The following RNF17 variants were observed in gnomAD, a reference collection of about 807,000 sequenced individuals.
RNF17 encodes the protein spermatogenesis associated 23.
In RNF17, 31 loss-of-function variants were observed where a neutral mutation model predicts 200.5. That is an observed-to-expected ratio of 0.15 (90% CI 0.12 to 0.21). The LOEUF (loss-of-function observed/expected upper bound fraction) is 0.21, where lower values mean the gene tolerates loss of function less well. Ranked by LOEUF, RNF17 falls within the 10% of genes least tolerant of loss-of-function variation. The pLI is 1.00. For synonymous variants in RNF17, 606 were observed against 637.8 expected (o/e 0.95, Z 0.75); for missense variants, 1,628 against 1,905.1 (o/e 0.85, Z 2.71).
At chr13:24,765,808 AAGTG>A (rs1879598786) in intron 1 of RNF17, among the ~76,000 whole-genome samples, 2 of 152,214 alleles carry the variant, frequency 1.3e-5, no homozygotes, top group South Asian at 4.1e-4. Flanking sequence ...TATAATAGTT[AAGTG>A]TTTTTATTTC....
In RNF17 at chr13:24,861,240, A is replaced by T. The variant is rs183280618; in HGVS notation, c.3775-28A>T. On this transcript the variant is annotated intron_variant, in intron 26 of 35. Transcript: ENST00000255324. Reference sequence around the variant, plus strand: ...CCCTAGCTTTTAATAATAAATTTTAACTATAAATTGTATTTGTCGTGTTTC... The same window carrying T: ...CCCTAGCTTTTAATAATAAATTTTATCTATAAATTGTATTTGTCGTGTTTC... 2.9e-4 allele frequency: 437 copies of T among 1,532,652 alleles called. 5 individuals are homozygous for T. The East Asian group carries it at 9.3e-3, about 33-fold the overall frequency. 94.9% of individuals were successfully genotyped at this position (1,532,652 alleles called of 1,614,324 possible). A position where few individuals can be genotyped will look rare whatever the true frequency, so the allele number is the denominator to read the frequency against.
chr13:24,784,577 T>G (rs982120705), intron 6 of RNF17, among the ~76,000 whole-genome samples: 8 of 152,212 alleles, frequency 5.3e-5, no homozygotes, highest in Non-Finnish European at 7.3e-5. Flanking sequence ...AGGTTATGTG[T>G]TCCTGGAAAT....
upstream of RNF17, among the ~76,000 whole-genome samples, chr13:24,762,823 G>A (rs1264252335): frequency 2.6e-5 from 4 of 152,048 alleles, no homozygotes; most frequent in Admixed American, 6.6e-5. Context: ...CTCACAAAAC[G>A]TCTCATGCAC....
intron 33 of RNF17, 47 bp downstream of exon 33, chr13:24,874,296 A>G: frequency 1.4e-6 from 2 of 1,475,706 alleles, no homozygotes; most frequent in Non-Finnish European, 1.8e-6. Flanking sequence ...TTTTTTTTTA[A>G]ATAGTTTTCT....
chr13:24,815,428 G>GTGTGTGTGT (rs1887260657), intron 15 of RNF17, among the ~76,000 whole-genome samples: 1 of 144,100 alleles, frequency 6.9e-6, no homozygotes, highest in African/African-American at 2.6e-5. Flanking sequence ...GCCCTAACGG[G>GTGTGTGTGT]GTGTGTGTGT....
At position 24,844,978 on chromosome 13, in the gene RNF17, G is replaced by A. The variant is rs374433067; in HGVS notation, c.3000G>A (p.Val1000=). The change falls in exon 22 of 36, where the codon GTG becomes GTA. Residue 1000 remains valine, a synonymous_variant. Coordinates refer to ENST00000255324, the MANE Select transcript of RNF17 (RefSeq NM_031277.3). ...TTTCTTAGGTCTTGCTGTATGATGT[G>A]GGTGTTGAACTAGTAGTGAATGTTG... is the stretch of plus-strand genomic sequence containing the variant. The part of the protein sequence containing the change: ...DTLVEVLLYD[V]GVELVVNVDC... 62 of 1,602,094 alleles carry A rather than the reference G, an allele frequency of 3.9e-5. No homozygotes were observed. Among genetic ancestry groups the A allele is most frequent in the Non-Finnish European group, 3.7e-5 (43 of 1,169,612 alleles).
chr13:24,748,579 C>T, the RNF17 span, among the ~76,000 whole-genome samples: 2 of 152,068 alleles, frequency 1.3e-5, no homozygotes, highest in Non-Finnish European at 2.9e-5. Flanking sequence ...TTTTAACCAA[C>T]GAGTAAAATG....
Position 24,796,260 on chromosome 13 carries a change from G to A in RNF17, c.1364G>A (p.Ser455Asn). 1 of 1,610,004 alleles carries A rather than the reference G, an allele frequency of 6.2e-7. No individual in the cohort carries two copies. The highest frequency in any genetic ancestry group is 8.5e-7 in the Non-Finnish European group (1 of 1,177,686). ...AAGGTGAATGAATTTTGCAATAGGA[G>A]TTCACACCTTGATCCTTCAGACATT... Reference protein sequence around the residue: ...EKKVNEFCNRSSHLDPSDILE... With the variant: ...EKKVNEFCNRNSHLDPSDILE... The change falls in exon 11 of 36, where the codon AGT (serine) becomes AAT (asparagine). Residue 455 changes from serine to asparagine, a missense_variant. Ser to Asn is a conservative substitution (Grantham distance 46). Coordinates refer to ENST00000255324, the MANE Select transcript of RNF17 (RefSeq NM_031277.3).
chr13:24,859,216 A>AG, intron 26 of RNF17, 52 bp downstream of exon 26: 2 of 1,343,708 alleles, frequency 1.5e-6, no homozygotes, highest in Non-Finnish European at 2.0e-6. Flanking sequence ...CTATAGCATT[A>AG]AATAGTCTTG....
intron 14 of RNF17, among the ~76,000 whole-genome samples, 196 bp downstream of exon 14, chr13:24,802,767 T>C (rs868376365): frequency 1.3e-5 from 2 of 152,046 alleles, no homozygotes; most frequent in African/African-American, 2.4e-5. Flanking sequence ...TTTAAGAAAA[T>C]AGGCTGGGCA....
At chr13:24,815,119 A>C (rs900248799) in intron 15 of RNF17, among the ~76,000 whole-genome samples, 1 of 152,224 alleles carries the variant, frequency 6.6e-6, no homozygotes, top group African/African-American at 2.4e-5. Flanking sequence ...ATTGAATTGT[A>C]AATCACTTTG....
rs1893075229 is a variant in RNF17 at position 24,861,272 on chromosome 13, A to G, written c.3779A>G (p.Gln1260Arg). The change falls in exon 27 of 36, where the codon CAA (glutamine) becomes CGA (arginine). Residue 1260 changes from glutamine to arginine, a missense_variant. Physicochemically the swap from Gln to Arg is conservative, Grantham distance 43. Around this residue, in one of 5 missense-constraint regions of RNF17, gnomAD observed 609 missense variants for 681.9 expected, o/e 0.89. Transcript: ENST00000255324. ...MEVVGGAVRV[Q>R]YLDHGFTEKI... ...ATTGTATTTGTCGTGTTTCAGGTAC[A>G]ATATTTAGATCATGGATTCACTGAA... 6.3e-7 allele frequency: 1 copy of G among 1,591,304 alleles called. No individual in the cohort carries two copies. The highest frequency in any genetic ancestry group is 1.4e-5 in the African/African-American group (1 of 73,142).
upstream of RNF17, among the ~76,000 whole-genome samples, chr13:24,761,720 A>T (rs1425564438): frequency 6.6e-6 from 1 of 152,248 alleles, no homozygotes; most frequent in Non-Finnish European, 1.5e-5. Flanking sequence ...CCTAAATTGA[A>T]TGTTAAGAAG....
intron 2 of RNF17, among the ~76,000 whole-genome samples, chr13:24,767,607 A>C (rs1174204766): frequency 6.6e-6 from 1 of 151,764 alleles, no homozygotes; most frequent in Non-Finnish European, 1.5e-5. Flanking sequence ...AATTTGCTGG[A>C]CCTAGTGGTG....
intron 32 of RNF17, among the ~76,000 whole-genome samples, chr13:24,872,836 ACAT>A (rs148590731): frequency 0.024 from 3,058 of 125,944 alleles, 107 homozygotes; most frequent in African/African-American, 0.08. Flanking sequence ...TTTATGATAA[ACAT>A]CATAAAAAGA....
intron 15 of RNF17, among the ~76,000 whole-genome samples, chr13:24,812,269 G>T (rs1342046191): frequency 6.6e-6 from 1 of 151,730 alleles, no homozygotes; most frequent in Non-Finnish European, 1.5e-5. Flanking sequence ...TTTGATCTCA[G>T]ACTGCTGTGC....
chr13:24,843,630 T>A, intron 19 of RNF17, 114 bp from the exon 20 acceptor site: 1 of 685,836 alleles, frequency 1.5e-6, no homozygotes, highest in Non-Finnish European at 2.5e-6. Context: ...CACAGTTAAA[T>A]GAATTTTGAC....
At chr13:24,879,384 T>C in intron 35 of RNF17, 89 bp downstream of exon 35, 1 of 834,324 alleles carries the variant, frequency 1.2e-6, no homozygotes, top group East Asian at 2.6e-5. Flanking sequence ...GGATTTTCCT[T>C]GATTTCTCAA....
intron 15 of RNF17, among the ~76,000 whole-genome samples, chr13:24,813,332 A>G (rs1886973752): frequency 6.6e-6 from 1 of 151,514 alleles, no homozygotes. Flanking sequence ...TCTAATTATT[A>G]TTTTGTAGAC....
Sources: gnomAD v4.1 joint callset for allele counts (sites outside exome capture counted in the v4.1 genomes callset) on GRCh38, gnomAD v4.1.1 for gene constraint, gnomAD v4.1.1 regional missense constraint, MANE v1.5 for transcripts, NCBI Gene and HGNC (gene_info 2026-07-23, HGNC 2026-07-21) for gene names.